CDK14: variants seen among roughly 807,000 people sequenced by gnomAD.
CDK14 encodes cyclin dependent kinase 14, also known as cyclin-dependent kinase 14.
CDK14 carries 34 observed loss-of-function variants against 60.7 expected under a neutral mutation model. That is an observed-to-expected ratio of 0.56 (90% confidence interval 0.43 to 0.75). The LOEUF is 0.75. Among genes scored for constraint, CDK14 ranks in the 30% least tolerant of loss-of-function variants. CDK14 has a pLI of 0.00. For missense variants in CDK14, 482 were observed against 564.1 expected, an observed-to-expected ratio of 0.85 and a Z score of 1.47; for synonymous variants, 197 against 203.7, an observed-to-expected ratio of 0.97 and a Z score of 0.28.
chr7:90,764,512 G>A (rs2040520), intron 4 of CDK14, among the ~76,000 whole-genome samples: 97,473 of 151,950 alleles, frequency 0.64, 31,719 homozygotes, highest in East Asian at 0.96. Context: ...AGTAGGAATT[G>A]TAACAATGGA....
intron 5 of CDK14, among the ~76,000 whole-genome samples, chr7:90,857,681 G>A (rs1306046603): frequency 6.6e-6 from 1 of 152,198 alleles, no homozygotes; most frequent in Non-Finnish European, 1.5e-5. Flanking sequence ...GGATTACATG[G>A]AGTATGATTT....
intron 2 of CDK14, among the ~76,000 whole-genome samples, chr7:90,649,306 T>TTCTC (rs1800550256): frequency 5.1e-5 from 3 of 59,220 alleles, no homozygotes; most frequent in Admixed American, 4.2e-4. Context: ...CTTTCTTTCT[T>TTCTC]TCTTTCCTTC....
rs748494703 is a variant in CDK14, at chr7:90,688,214, T to A, written c.124-38353T>A. On this transcript the variant is annotated intron_variant, in intron 2 of 14. Transcript: ENST00000380050. ...CTGTTCCTACATCTAATAAAATGAT[T>A]GTTTCAGAGATTTCTGGTGGACACT... Among the ~76,000 whole-genome samples the A allele has an allele frequency of 3.9e-5, 6 of 152,262 alleles. No homozygotes were observed. In the East Asian group the frequency reaches 9.6e-4, roughly 24 times the overall value.
intron 14 of CDK14, among the ~76,000 whole-genome samples, chr7:91,198,226 A>G (rs1295436716): frequency 6.6e-6 from 1 of 152,248 alleles, no homozygotes; most frequent in East Asian, 1.9e-4. Context: ...TGTTCAGCAG[A>G]ATACTACAGT....
intron 12 of CDK14, among the ~76,000 whole-genome samples, chr7:91,091,243 T>G (rs1300111702): frequency 6.8e-6 from 1 of 147,484 alleles, no homozygotes; most frequent in African/African-American, 2.5e-5. Flanking sequence ...AAAATTTATC[T>G]GTAAAAAAAA....
At position 90,951,260 on chromosome 7, in the gene CDK14, CT is replaced by C. The variant is rs748660444; in HGVS notation, c.827-4427del. On this transcript the variant is annotated intron_variant, in intron 8 of 14. Coordinates refer to ENST00000380050, the MANE Select transcript of CDK14 (RefSeq NM_001287135.2). ...ATTTTGTGATTAACTAAGAGCAAGACTTTTTTTTTTCTGATTAATTTGGGGA... is the reference window on the plus strand; with the variant it reads ...ATTTTGTGATTAACTAAGAGCAAGACTTTTTTTTTCTGATTAATTTGGGGA... 1.2e-3 allele frequency among the ~76,000 whole-genome samples: 183 copies of C among 149,616 alleles called. 1 individual carries two copies. The highest frequency in any genetic ancestry group is 4.9e-3 in the East Asian group (25 of 5,120).
intron 8 of CDK14, among the ~76,000 whole-genome samples, chr7:90,929,489 T>C (rs1793525464): frequency 6.6e-6 from 1 of 152,238 alleles, no homozygotes; most frequent in African/African-American, 2.4e-5. Context: ...TAACAACTTT[T>C]TGTTGTTTGT....
At chr7:90,628,246 C>A (rs903193061) in intron 2 of CDK14, among the ~76,000 whole-genome samples, 1 of 152,136 alleles carries the variant, frequency 6.6e-6, no homozygotes, top group Non-Finnish European at 1.5e-5. Context: ...CGTGAGCCAC[C>A]GTGCCTGGCC....
chr7:91,132,559 G>C (rs977099152), intron 14 of CDK14, among the ~76,000 whole-genome samples: 1 of 152,064 alleles, frequency 6.6e-6, no homozygotes, highest in Non-Finnish European at 1.5e-5. Flanking sequence ...AGATCCTTTA[G>C]GAATCATTTA....
At chr7:90,890,065 C>G (rs1792065872) in intron 6 of CDK14, among the ~76,000 whole-genome samples, 1 of 152,136 alleles carries the variant, frequency 6.6e-6, no homozygotes, top group African/African-American at 2.4e-5. Flanking sequence ...GTTTGTTATT[C>G]ACTGTTTTGA....
intron 5 of CDK14, among the ~76,000 whole-genome samples, chr7:90,827,047 C>G (rs759932935): frequency 1.1e-4 from 17 of 151,890 alleles, no homozygotes; most frequent in Non-Finnish European, 2.5e-4. Flanking sequence ...AGAATACTTT[C>G]ATTGCTGCCC....
At chr7:90,720,098 C>T (rs1434747497) in intron 2 of CDK14, among the ~76,000 whole-genome samples, 1 of 152,052 alleles carries the variant, frequency 6.6e-6, no homozygotes, top group Non-Finnish European at 1.5e-5. Flanking sequence ...CTTTAGGGGG[C>T]TATAAAATGA....
intron 5 of CDK14, among the ~76,000 whole-genome samples, chr7:90,805,418 T>G (rs1292441260): frequency 7.5e-6 from 1 of 133,012 alleles, no homozygotes; most frequent in Non-Finnish European, 1.6e-5. Context: ...AAACTTTGAA[T>G]AGAAAGGAAT....
chr7:91,186,899 C>G (rs568622576), intron 14 of CDK14, among the ~76,000 whole-genome samples: 102 of 152,224 alleles, frequency 6.7e-4, no homozygotes, highest in African/African-American at 2.3e-3. Context: ...AGAATATGGA[C>G]ATGAAATGTT....
At chr7:90,884,940 AT>A (rs1393558852) in intron 6 of CDK14, among the ~76,000 whole-genome samples, 16 of 152,202 alleles carry the variant, frequency 1.1e-4, no homozygotes, top group Non-Finnish European at 1.8e-4. Context: ...TTAGTGCAAG[AT>A]GGCTTAACGG....
chr7:90,982,114 T>G (rs1259060852), intron 9 of CDK14, among the ~76,000 whole-genome samples: 1 of 152,164 alleles, frequency 6.6e-6, no homozygotes, highest in Non-Finnish European at 1.5e-5. Context: ...CTGGACTAAC[T>G]TGCTAGGTGG....
intron 2 of CDK14, among the ~76,000 whole-genome samples, chr7:90,608,229 A>G (rs1799461152): frequency 6.6e-6 from 1 of 152,200 alleles, no homozygotes; most frequent in African/African-American, 2.4e-5. Context: ...ATAATGAACA[A>G]TAACTACACT....
At chr7:90,690,550 A>T (rs1441627271) in intron 2 of CDK14, among the ~76,000 whole-genome samples, 1 of 152,216 alleles carries the variant, frequency 6.6e-6, no homozygotes, top group Non-Finnish European at 1.5e-5. Context: ...GTATTATTAA[A>T]TAAAATACCA....
intron 5 of CDK14, among the ~76,000 whole-genome samples, chr7:90,811,972 T>C (rs1562781841): frequency 6.6e-6 from 1 of 152,128 alleles, no homozygotes; most frequent in African/African-American, 2.4e-5. Flanking sequence ...AAACAACAGG[T>C]GCTGGAGAGG....
Sources: allele counts gnomAD v4.1 joint callset (sites outside exome capture counted in the v4.1 genomes callset), GRCh38; gene constraint gnomAD v4.1.1; transcripts MANE v1.5; gene names NCBI Gene and HGNC (gene_info 2026-07-23, HGNC 2026-07-21).